WRNIP1: variants seen among roughly 807,000 people sequenced by gnomAD.
WRNIP1 encodes the protein ATPase WRNIP1.
WRNIP1 carries 41 observed loss-of-function variants against 56.1 expected under a neutral mutation model. The observed-to-expected ratio is 0.73, with a 90% CI of 0.57 to 0.95. The LOEUF is 0.95. Among genes scored for constraint, WRNIP1 ranks in the 40% least tolerant of loss-of-function variants. The pLI is 0.00. For synonymous variants in WRNIP1, 547 were observed against 398.1 expected, an observed-to-expected ratio of 1.37 and a Z score of -4.45; for missense variants, 1,170 against 939.4, an observed-to-expected ratio of 1.25 and a Z score of -3.21.
chr6:2,775,389 T>C (rs1400396044), intron 3 of WRNIP1, among the ~76,000 whole-genome samples: 1 of 152,236 alleles, frequency 6.6e-6, no homozygotes. Flanking sequence ...GCTGTATTTG[T>C]GTCTAACTTG....
chr6:2,765,960 C>A lies in WRNIP1; in HGVS notation c.338C>A (p.Ala113Glu). 1 of 1,427,648 alleles carries A rather than the reference C, an allele frequency of 7.0e-7. No individual in the cohort carries two copies. The highest frequency in any genetic ancestry group is 1.4e-5 in the South Asian group (1 of 71,366). 88.4% of individuals were successfully genotyped at this position (1,427,648 alleles called of 1,614,324 possible). The change falls in exon 1 of 7, where the codon GCG becomes GAG. Residue 113 changes from alanine to glutamate, a missense_variant. Transcript: ENST00000380773. The stretch of plus-strand genomic sequence containing the variant: ...ACCGAGAGCCGCGAGAGCTACGACG[C>A]GCCGCCCACACCCAGCGGCGCCCGC... The part of the protein sequence containing the change: ...GETESRESYD[A>E]PPTPSGARLI...
At chr6:2,781,517 T>C (rs1329365705) in intron 4 of WRNIP1, among the ~76,000 whole-genome samples, 1 of 152,242 alleles carries the variant, frequency 6.6e-6, no homozygotes, top group Non-Finnish European at 1.5e-5. Flanking sequence ...TGGGCCTTTT[T>C]ATAACTCCAG....
chr6:2,770,289 C>G lies in WRNIP1; in HGVS notation c.1184C>G (p.Ser395Cys). Residue 395 changes from serine (S) to cysteine (C), a missense_variant, in exon 3 of 7, where the codon TCC (serine) becomes TGC (cysteine). Transcript: ENST00000380773. ...ACTATTTTAATGCGAGCGATCAACT[C>G]CCTGGGAATCCACGTCCTAGACTCT... ...MVTILMRAINSLGIHVLDSSR... is the reference protein window; with the variant it reads ...MVTILMRAINCLGIHVLDSSR... 6.2e-7 allele frequency: 1 copy of G among 1,614,174 alleles called. No individual in the cohort carries two copies. Among genetic ancestry groups the G allele is most frequent in the Non-Finnish European group, 8.5e-7 (1 of 1,180,042 alleles).
At chr6:2,778,731 G>A (rs1040975390) in intron 3 of WRNIP1, among the ~76,000 whole-genome samples, 2 of 152,136 alleles carry the variant, frequency 1.3e-5, no homozygotes, top group African/African-American at 4.8e-5. Context: ...GAGTAACTAG[G>A]GACCCAATTT....
intron 3 of WRNIP1, among the ~76,000 whole-genome samples, chr6:2,777,638 C>A (rs1765463461): frequency 6.6e-6 from 1 of 152,208 alleles, no homozygotes; most frequent in Non-Finnish European, 1.5e-5. Context: ...TACTGCTACA[C>A]CCCTGTGATG....
At chr6:2,781,639 C>T (rs1420924613) in intron 4 of WRNIP1, among the ~76,000 whole-genome samples, 1 of 152,188 alleles carries the variant, frequency 6.6e-6, no homozygotes, top group Non-Finnish European at 1.5e-5. Flanking sequence ...GAAGGAATTT[C>T]TAAATGAGAG....
chr6:2,781,948 T>G (rs1196619362), intron 4 of WRNIP1, among the ~76,000 whole-genome samples: 1 of 152,280 alleles, frequency 6.6e-6, no homozygotes, highest in Admixed American at 6.5e-5. Context: ...CCAGGCTGTT[T>G]GGTCCCAGAG....
At position 2,765,669 on chromosome 6, in the gene WRNIP1, A is replaced by T. The variant is rs767089025; in HGVS notation, c.47A>T (p.His16Leu). ...PEDDPFLSQL[H>L]QVQCPVCQQM... ...GACGACCCCTTCCTTTCGCAGCTGC[A>T]CCAGGTGCAGTGCCCCGTGTGCCAG... The change falls in exon 1 of 7, where the codon CAC becomes CTC. Residue 16 changes from histidine (H) to leucine (L), a missense_variant. By Grantham distance (99) the His-to-Leu change is moderately conservative (BLOSUM62 -3). Coordinates refer to ENST00000380773, the MANE Select transcript of WRNIP1 (RefSeq NM_020135.3). 6.4e-7 allele frequency: 1 copy of T among 1,552,470 alleles called. No homozygotes were observed. Among genetic ancestry groups the T allele is most frequent in the Non-Finnish European group, 8.6e-7 (1 of 1,157,600 alleles).
At chr6:2,783,281 C>T in intron 4 of WRNIP1, 125 bp from the exon 5 acceptor site, 3 of 1,108,770 alleles carry the variant, frequency 2.7e-6, no homozygotes, top group Non-Finnish European at 3.7e-6. Flanking sequence ...GCTGCCCAAA[C>T]CTCTCCTCGG....
At chr6:2,773,220 T>C (rs1436690802) in intron 3 of WRNIP1, 36 of 985,296 alleles carry the variant, frequency 3.7e-5, no homozygotes, top group Non-Finnish European at 4.2e-5. Flanking sequence ...TATTATTCAG[T>C]CAAAATTGAA....
chr6:2,767,871 A>AAGGC (rs762306797), intron 1 of WRNIP1, among the ~76,000 whole-genome samples: 1 of 152,172 alleles, frequency 6.6e-6, no homozygotes, highest in Non-Finnish European at 1.5e-5. Context: ...CTGATTCCAA[A>AAGGC]AGGCAGGCAG....
Position 2,786,717 on chromosome 6 carries a change from C to A in WRNIP1, c.*1435C>A, listed in dbSNP as rs979922451. 2.6e-5 allele frequency: 4 copies of A among 152,130 alleles called. No individual in the cohort carries two copies. The highest frequency in any genetic ancestry group is 7.2e-5 in the African/African-American group (3 of 41,418). The allele number at this position is 152,130 out of a possible 1,614,324, so 9.4% of individuals were successfully genotyped here. On this transcript the variant is annotated 3_prime_UTR_variant, in exon 7 of 7. Transcript: ENST00000380773. ...TTACTTGTGCATTGTTTTACACTTTCCCACATTGTTGTCAAGTTTGAAGGC... is the reference window on the plus strand; with the variant it reads ...TTACTTGTGCATTGTTTTACACTTTACCACATTGTTGTCAAGTTTGAAGGC...
At chr6:2,784,607 GTTC>G (rs1463232978) in intron 6 of WRNIP1, among the ~76,000 whole-genome samples, 1 of 152,184 alleles carries the variant, frequency 6.6e-6, no homozygotes, top group African/African-American at 2.4e-5. Flanking sequence ...GTTTCAAACT[GTTC>G]TCGGGATTCC....
At chr6:2,770,666 C>T (rs1005234030) in intron 3 of WRNIP1, among the ~76,000 whole-genome samples, 1 of 152,046 alleles carries the variant, frequency 6.6e-6, no homozygotes, top group African/African-American at 2.4e-5. Flanking sequence ...TATGGGAAGC[C>T]TTATTGATGA....
At chr6:2,772,249 A>G (rs1220687828) in intron 3 of WRNIP1, among the ~76,000 whole-genome samples, 2 of 152,278 alleles carry the variant, frequency 1.3e-5, no homozygotes, top group Non-Finnish European at 2.9e-5. Context: ...AACTGATATA[A>G]CAATGAGCTA....
intron 6 of WRNIP1, among the ~76,000 whole-genome samples, chr6:2,784,781 TAA>T (rs879439318): frequency 6.8e-6 from 1 of 147,512 alleles, no homozygotes; most frequent in Non-Finnish European, 1.5e-5. Flanking sequence ...GTCCTTCAGT[TAA>T]AAAAAAAAAT....
chr6:2,786,097 A>G lies in WRNIP1; in HGVS notation c.*815A>G, dbSNP rs1161845507. The G allele has an allele frequency of 6.6e-6, 1 of 152,004 alleles. No homozygotes were observed. The highest frequency in any genetic ancestry group is 1.5e-5 in the Non-Finnish European group (1 of 68,026). The allele number at this position is 152,004 out of a possible 1,614,324, so 9.4% of individuals were successfully genotyped here. A position where few individuals can be genotyped will look rare whatever the true frequency, so the allele number is the denominator to read the frequency against. On this transcript the variant is annotated 3_prime_UTR_variant, in exon 7 of 7. Transcript: ENST00000380773. ...CACTCCTTCTGCTCAGTTAAGAGTT[A>G]TTTGTCCCTACTGCTACTTCCTCTC...
Position 2,770,138 on chromosome 6 carries a change from G to T in WRNIP1, c.1033G>T (p.Val345Leu). The change falls in exon 3 of 7, where the codon GTG becomes TTG. Residue 345 changes from valine (V) to leucine (L), a missense_variant. Physicochemically the swap from Val to Leu is conservative, Grantham distance 32. Transcript: ENST00000380773. ...TGATTAGGACACTTTCCTTCCTCACGTGGAATGTGGGACGATCACTCTGAT... is the reference window on the plus strand; with the variant it reads ...TGATTAGGACACTTTCCTTCCTCACTTGGAATGTGGGACGATCACTCTGAT... ...KSQQDTFLPH[V>L]ECGTITLIGA... 6.2e-7 allele frequency: 1 copy of T among 1,614,164 alleles called. No individual in the cohort carries two copies. The highest frequency in any genetic ancestry group is 8.5e-7 in the Non-Finnish European group (1 of 1,180,030).
At position 2,766,042 on chromosome 6, in the gene WRNIP1, G is replaced by C. The variant is rs1293112462; in HGVS notation, c.420G>C (p.Gly140=). 7.7e-7 allele frequency: 1 copy of C among 1,301,534 alleles called. No individual in the cohort carries two copies. Among genetic ancestry groups the C allele is most frequent in the African/African-American group, 1.5e-5 (1 of 64,726 alleles). 80.6% of individuals were successfully genotyped at this position (1,301,534 alleles called of 1,614,324 possible). The change falls in exon 1 of 7, where the codon GGG becomes GGC. Residue 140 remains glycine, a synonymous_variant. Transcript: ENST00000380773. ...GCAGCCCCGGGAGGAAGGGGTCGGG[G>C]AAGAGGCCGGCGGCCGCCGCCGCGG... ...RSSSPGRKGS[G]KRPAAAAAAG... is the part of the protein sequence containing the mutation.
Sources: gnomAD v4.1 joint callset for allele counts (sites outside exome capture counted in the v4.1 genomes callset) on GRCh38, gnomAD v4.1.1 for gene constraint, MANE v1.5 for transcripts, NCBI Gene and HGNC (gene_info 2026-07-23, HGNC 2026-07-21) for gene names.